PPP1R12B: variants seen among roughly 807,000 people sequenced by gnomAD.
PPP1R12B encodes the protein protein phosphatase 1 regulatory subunit 12B, also known as myosin phosphatase target subunit 2.
A neutral mutation model predicts 126.1 loss-of-function variants in PPP1R12B; 76 were observed. The observed-to-expected ratio is 0.60, with a 90% CI of 0.50 to 0.73. The LOEUF (loss-of-function observed/expected upper bound fraction) is 0.73, where lower values mean the gene tolerates loss of function less well. Among genes scored for constraint, PPP1R12B ranks in the 30% least tolerant of loss-of-function variants. PPP1R12B has a pLI of 0.00. For missense variants in PPP1R12B, 1,052 were observed against 1,205.1 expected, an observed-to-expected ratio of 0.87 and a Z score of 1.88; for synonymous variants, 356 against 434.7, an observed-to-expected ratio of 0.82 and a Z score of 2.25.
intron 18 of PPP1R12B, among the ~76,000 whole-genome samples, chr1:202,541,994 A>G (rs566493583): frequency 2.3e-4 from 35 of 152,218 alleles, no homozygotes; most frequent in Non-Finnish European, 4.7e-4. Flanking sequence ...ACCAACTTCC[A>G]GTGTCCAAAT....
intron 14 of PPP1R12B, among the ~76,000 whole-genome samples, chr1:202,491,627 T>G (rs1464624499): frequency 6.6e-6 from 1 of 152,152 alleles, no homozygotes; most frequent in African/African-American, 2.4e-5. Flanking sequence ...CAAGTTTGTT[T>G]ATGAAGGAAT....
intron 13 of PPP1R12B, among the ~76,000 whole-genome samples, chr1:202,484,493 C>T (rs1209700441): frequency 2.0e-5 from 3 of 152,202 alleles, no homozygotes; most frequent in South Asian, 2.1e-4. Flanking sequence ...TTTAAACCTT[C>T]GTACTAGAGG....
At chr1:202,472,204 T>C in intron 13 of PPP1R12B, 1 of 515,294 alleles carries the variant, frequency 1.9e-6, no homozygotes, top group South Asian at 3.9e-5. Context: ...TACATATATA[T>C]AGTACTTTTT....
chr1:202,467,083 A>C lies in PPP1R12B; in HGVS notation c.1850+17912A>C, dbSNP rs142191931. On this transcript the variant is annotated intron_variant, in intron 13 of 23. Coordinates refer to ENST00000608999, the MANE Select transcript of PPP1R12B (RefSeq NM_002481.4). ...GGCCTTCCTCTCCCCTGCCCCACCC[A>C]CCATTCCACCATCTACAGTGCAGCA... is the stretch of plus-strand genomic sequence containing the variant. 4.4e-3 allele frequency among the ~76,000 whole-genome samples: 669 copies of C among 151,848 alleles called. 1 individual carries two copies. Among genetic ancestry groups the C allele is most frequent in the African/African-American group, 0.016 (645 of 41,408 alleles).
intron 1 of PPP1R12B, among the ~76,000 whole-genome samples, chr1:202,367,724 G>A (rs541537161): frequency 2.6e-5 from 4 of 152,130 alleles, no homozygotes; most frequent in African/African-American, 4.8e-5. Flanking sequence ...TTAAATTGAG[G>A]TAAATTTTAC....
At chr1:202,439,577 G>A in intron 10 of PPP1R12B, 17 of 1,366,966 alleles carry the variant, frequency 1.2e-5, no homozygotes, top group Non-Finnish European at 1.7e-5. Flanking sequence ...GACCACCCAG[G>A]TGGCCGCCAC....
chr1:202,427,232 T>A lies in PPP1R12B; in HGVS notation c.846+48T>A, dbSNP rs552120038. On this transcript the variant is annotated intron_variant, in intron 5 of 23. Transcript: ENST00000608999. ...AAGAACAACGAGATTGGTGGCTGGG[T>A]CTCTAGAATAAAAGGCTTAACATCT... 12 of 1,606,270 alleles carry A rather than the reference T, an allele frequency of 7.5e-6. No homozygotes were observed. In the South Asian group the frequency reaches 1.2e-4, roughly 16 times the overall value.
intron 10 of PPP1R12B, chr1:202,440,063 A>G (rs1671410286): frequency 1.3e-5 from 2 of 153,688 alleles, no homozygotes; most frequent in South Asian, 4.1e-4. Flanking sequence ...TTTCATTAAT[A>G]TGGAAAATGT....
intron 18 of PPP1R12B, among the ~76,000 whole-genome samples, chr1:202,542,736 A>C (rs1215546332): frequency 6.6e-6 from 1 of 152,156 alleles, no homozygotes; most frequent in Non-Finnish European, 1.5e-5. Flanking sequence ...CTGAGACCTT[A>C]TGGGCTTCAG....
intron 1 of PPP1R12B, among the ~76,000 whole-genome samples, chr1:202,355,566 G>A (rs1292962789): frequency 6.6e-6 from 1 of 152,136 alleles, no homozygotes; most frequent in African/African-American, 2.4e-5. Flanking sequence ...GAGAGTCAGG[G>A]TGACATCCTA....
At chr1:202,462,011 A>G (rs1310083160) in intron 13 of PPP1R12B, among the ~76,000 whole-genome samples, 4 of 152,136 alleles carry the variant, frequency 2.6e-5, no homozygotes, top group African/African-American at 7.2e-5. Flanking sequence ...AGTGAGGTCA[A>G]TTTCTGTTGT....
intron 8 of PPP1R12B, among the ~76,000 whole-genome samples, chr1:202,432,633 A>T (rs889156744): frequency 2.6e-5 from 4 of 152,208 alleles, no homozygotes; most frequent in Admixed American, 6.5e-5. Flanking sequence ...GATGTTGAAC[A>T]TGGTCAGACC....
At chr1:202,368,913 C>G (rs1236737983) in intron 1 of PPP1R12B, among the ~76,000 whole-genome samples, 2 of 152,072 alleles carry the variant, frequency 1.3e-5, no homozygotes, top group Non-Finnish European at 2.9e-5. Context: ...AATTTTTGTA[C>G]AGATGAGGTC....
intron 1 of PPP1R12B, among the ~76,000 whole-genome samples, chr1:202,352,023 C>G (rs896941006): frequency 6.6e-6 from 1 of 152,164 alleles, no homozygotes; most frequent in Non-Finnish European, 1.5e-5. Context: ...AAAGGTTAGA[C>G]CAACTCTGAT....
intron 13 of PPP1R12B, among the ~76,000 whole-genome samples, chr1:202,449,665 A>G (rs967120500): frequency 6.6e-6 from 1 of 151,666 alleles, no homozygotes; most frequent in Non-Finnish European, 1.5e-5. Flanking sequence ...TTTAGCATAG[A>G]CACTTAACGC....
intron 13 of PPP1R12B, among the ~76,000 whole-genome samples, chr1:202,452,845 T>A (rs1050813989): frequency 2.0e-5 from 3 of 151,734 alleles, no homozygotes; most frequent in Admixed American, 6.6e-5. Flanking sequence ...TTTTTTTTTT[T>A]AAATAGAGAT....
chr1:202,420,860 T>C (rs1668644780), intron 2 of PPP1R12B, among the ~76,000 whole-genome samples: 1 of 151,752 alleles, frequency 6.6e-6, no homozygotes, highest in Non-Finnish European at 1.5e-5. Context: ...AATTGATCTA[T>C]AAATTAACAA....
chr1:202,377,311 G>A (rs1376074956), intron 1 of PPP1R12B, among the ~76,000 whole-genome samples: 1 of 151,756 alleles, frequency 6.6e-6, no homozygotes, highest in African/African-American at 2.4e-5. Flanking sequence ...ATGTGAGAAG[G>A]GTAGTATCTT....
chr1:202,500,829 CATAA>C (rs763732288), intron 18 of PPP1R12B, among the ~76,000 whole-genome samples: 1 of 152,154 alleles, frequency 6.6e-6, no homozygotes, highest in Non-Finnish European at 1.5e-5. Context: ...CTTCATACCA[CATAA>C]ATACGTACTA....
Sources: gnomAD v4.1 joint callset for allele counts (sites outside exome capture counted in the v4.1 genomes callset) on GRCh38, gnomAD v4.1.1 for gene constraint, MANE v1.5 for transcripts, NCBI Gene and HGNC (gene_info 2026-07-23, HGNC 2026-07-21) for gene names.